The following CAND1 variants were observed in gnomAD, a reference collection of about 807,000 sequenced individuals.
CAND1 encodes the protein cullin-associated NEDD8-dissociated protein 1.
A neutral mutation model predicts 108.5 loss-of-function variants in CAND1; 7 were observed. The ratio of observed to expected loss-of-function variants is 0.06; its 90% confidence interval spans 0.04 to 0.12. CAND1 has a LOEUF of 0.12. CAND1 is among the 10% of genes least tolerant of loss of function. The probability of loss-of-function intolerance (pLI) is 1.00; values close to 1 mark genes in which losing one functional copy is unlikely to be tolerated. For missense variants in CAND1, 941 were observed against 1,448.7 expected, an observed-to-expected ratio of 0.65 and a Z score of 5.69; for synonymous variants, 534 against 512.0, an observed-to-expected ratio of 1.04 and a Z score of -0.58.
chr12:67,285,541 A>G (rs2044662547), intron 2 of CAND1, among the ~76,000 whole-genome samples: 1 of 152,208 alleles, frequency 6.6e-6, no homozygotes, highest in South Asian at 2.1e-4. Flanking sequence ...TTATGTCTCT[A>G]TAATCAAAGC....
chr12:67,299,204 A>G (rs770504095), intron 7 of CAND1, 109 bp downstream of exon 7: 43 of 1,063,120 alleles, frequency 4.0e-5, no homozygotes, highest in Non-Finnish European at 5.3e-5. Flanking sequence ...ATAATAGTGA[A>G]AAGGGAAATG....
At chr12:67,308,548 G>A (rs1049963331) in intron 11 of CAND1, among the ~76,000 whole-genome samples, 1 of 152,028 alleles carries the variant, frequency 6.6e-6, no homozygotes, top group Non-Finnish European at 1.5e-5. Flanking sequence ...ACTCAGCCAG[G>A]TAGTTAGCAT....
rs770102190 is a variant in CAND1 at position 67,305,610 on chromosome 12, C to T, written c.1942C>T (p.Leu648=). The change falls in exon 10 of 15, where the codon CTG becomes TTG. Residue 648 remains leucine (L), a synonymous_variant. Coordinates refer to ENST00000545606, the MANE Select transcript of CAND1 (RefSeq NM_018448.5). This position sits in a 1 kb window ranked among gnomAD's most constrained non-coding sequence, Gnocchi z 4.4. ...TTTGAAGATAGATTTGAGGCCTGTT[C>T]TGGGAGAAGGGGTTCCTATCCTTGC... ...SPLKIDLRPV[L]GEGVPILASF... 6.2e-7 allele frequency: 1 copy of T among 1,614,018 alleles called. No individual in the cohort carries two copies. Among genetic ancestry groups the T allele is most frequent in the African/African-American group, 1.3e-5 (1 of 74,922 alleles).
intron 2 of CAND1, among the ~76,000 whole-genome samples, chr12:67,283,731 T>A (rs1035410293): frequency 1.3e-5 from 2 of 152,152 alleles, no homozygotes; most frequent in African/African-American, 2.4e-5. Flanking sequence ...CTCAACCTTT[T>A]AAAAAAATAA....
At chr12:67,270,028 G>C (rs1417148284) in intron 1 of CAND1, 1 of 486,710 alleles carries the variant, frequency 2.1e-6, no homozygotes, top group East Asian at 4.0e-5. Context: ...GGCCCCGTTT[G>C]CTTGTCTCAG....
chr12:67,292,925 G>A, intron 3 of CAND1, 149 bp downstream of exon 3: 2 of 657,234 alleles, frequency 3.0e-6, no homozygotes, highest in Non-Finnish European at 5.3e-6. Context: ...GAAAATTAAA[G>A]CGTGAAGCCT....
chr12:67,291,773 T>C (rs1310497470), intron 2 of CAND1, among the ~76,000 whole-genome samples: 1 of 152,230 alleles, frequency 6.6e-6, no homozygotes, highest in Admixed American at 6.5e-5. Context: ...CAAAGGGTTT[T>C]GAATTTTTAG....
Position 67,295,161 on chromosome 12 carries a change from G to A in CAND1, c.491+5G>A. 1.9e-6 allele frequency: 3 copies of A among 1,608,148 alleles called. No individual in the cohort carries two copies. Among genetic ancestry groups the A allele is most frequent in the Non-Finnish European group, 2.5e-6 (3 of 1,177,108 alleles). On this transcript the variant is annotated splice_donor_5th_base_variant and intron_variant, in intron 4 of 14. Coordinates refer to ENST00000545606, the MANE Select transcript of CAND1 (RefSeq NM_018448.5). ...TATGGCTGATATGTTGAGCAGGTAAGTGTGCCTGTTTATTTCCGTTACTCG... is the reference window on the plus strand; with the variant it reads ...TATGGCTGATATGTTGAGCAGGTAAATGTGCCTGTTTATTTCCGTTACTCG...
At position 67,297,679 on chromosome 12, in the gene CAND1, A is replaced by C; in HGVS notation, c.748+16A>C. On this transcript the variant is annotated intron_variant, in intron 5 of 14. Coordinates refer to ENST00000545606, the MANE Select transcript of CAND1 (RefSeq NM_018448.5). ...CATAGAATAGGTAAGAAATCTTTAA[A>C]AGTTTTACAGTTTTCTTTAATTAAA... The C allele has an allele frequency of 6.2e-7, 1 of 1,600,170 alleles. No individual in the cohort carries two copies. The highest frequency in any genetic ancestry group is 1.4e-5 in the African/African-American group (1 of 74,062).
intron 1 of CAND1, among the ~76,000 whole-genome samples, chr12:67,271,308 G>A (rs909669066): frequency 6.6e-6 from 1 of 152,112 alleles, no homozygotes; most frequent in Non-Finnish European, 1.5e-5. Flanking sequence ...TTGGGGCTTT[G>A]CTTGCTTCCA....
intron 1 of CAND1, chr12:67,270,786 A>C (rs1322332318): frequency 6.9e-6 from 1 of 145,340 alleles, no homozygotes; most frequent in African/African-American, 2.6e-5. Context: ...AAAAAAAAAA[A>C]GAAAAAAAAA....
chr12:67,315,710 A>C lies in CAND1; in HGVS notation c.*2880A>C, dbSNP rs960254582. 2 of 152,060 alleles carry C rather than the reference A, an allele frequency of 1.3e-5. No individual in the cohort carries two copies. The highest frequency in any genetic ancestry group is 6.5e-5 in the Admixed American group (1 of 15,274). 9.4% of individuals were successfully genotyped at this position (152,060 alleles called of 1,614,324 possible). A position where few individuals can be genotyped will look rare whatever the true frequency, so the allele number is the denominator to read the frequency against. On this transcript the variant is annotated 3_prime_UTR_variant, in exon 15 of 15. Transcript: ENST00000545606. ...AAACCAAATTAGTCTTTTTTTCTTCATACTTTTCTTCGGTAAATAGTGAAG... is the reference window on the plus strand; with the variant it reads ...AAACCAAATTAGTCTTTTTTTCTTCCTACTTTTCTTCGGTAAATAGTGAAG...
chr12:67,277,668 A>G (rs1443617958), intron 1 of CAND1, among the ~76,000 whole-genome samples: 7 of 152,212 alleles, frequency 4.6e-5, no homozygotes, highest in African/African-American at 1.7e-4. Context: ...GTGTTGGATT[A>G]CTCAAAATTT....
intron 4 of CAND1, among the ~76,000 whole-genome samples, chr12:67,295,604 C>T (rs2044761782): frequency 6.6e-6 from 1 of 152,058 alleles, no homozygotes; most frequent in Non-Finnish European, 1.5e-5. Context: ...TTTTCACTTT[C>T]CTTTGGAAGT....
rs1302692475 is a variant in CAND1, at chr12:67,318,774, G to A, written c.*5944G>A. On this transcript the variant is annotated 3_prime_UTR_variant, in exon 15 of 15. Transcript: ENST00000545606. ...TATGAAGAAGCTTGCTGATTATCAT[G>A]GGAAGACTGACATAAGGAAGCACCA... The A allele has an allele frequency of 6.6e-6, 1 of 152,184 alleles. No individual in the cohort carries two copies. The highest frequency in any genetic ancestry group is 1.5e-5 in the Non-Finnish European group (1 of 68,044). The allele number at this position is 152,184 out of a possible 1,614,324, so 9.4% of individuals were successfully genotyped here.
intron 2 of CAND1, 37 bp downstream of exon 2, chr12:67,282,090 C>T (rs2044624909): frequency 5.0e-6 from 8 of 1,605,498 alleles, no homozygotes; most frequent in Admixed American, 1.7e-5. Context: ...TTTCTTCCTG[C>T]TCCCCCAACC....
intron 13 of CAND1, 124 bp from the exon 14 acceptor site, chr12:67,311,569 T>A: frequency 3.4e-6 from 1 of 292,964 alleles, no homozygotes; most frequent in Non-Finnish European, 6.0e-6. Context: ...ATTGGCAGAT[T>A]ACATTAAAAG....
chr12:67,277,194 C>T (rs1207829170), intron 1 of CAND1, among the ~76,000 whole-genome samples: 1 of 152,264 alleles, frequency 6.6e-6, no homozygotes, highest in East Asian at 1.9e-4. Flanking sequence ...AACTAGTTCT[C>T]ATTATTTGTA....
intron 1 of CAND1, among the ~76,000 whole-genome samples, chr12:67,278,171 C>G (rs1029355290): frequency 3.9e-5 from 6 of 152,162 alleles, no homozygotes; most frequent in African/African-American, 1.4e-4. Flanking sequence ...GAGTGTCACT[C>G]TTTTGCTCAG....
Sources: gnomAD v4.1 joint callset for allele counts (sites outside exome capture counted in the v4.1 genomes callset) on GRCh38, gnomAD v4.1.1 for gene constraint, Gnocchi (gnomAD v3.1) non-coding constraint, MANE v1.5 for transcripts, NCBI Gene and HGNC (gene_info 2026-07-23, HGNC 2026-07-21) for gene names.